RUNX1T1: variants seen among roughly 807,000 people sequenced by gnomAD.
RUNX1T1 encodes the protein RUNX1 partner transcriptional co-repressor 1, also known as protein CBFA2T1.
A neutral mutation model predicts 62.8 loss-of-function variants in RUNX1T1; 4 were observed. The observed-to-expected ratio is 0.06, with a 90% CI of 0.03 to 0.15. The LOEUF is 0.15. Among genes scored for constraint, RUNX1T1 ranks in the 10% least tolerant of loss-of-function variants. The pLI is 1.00. For synonymous variants in RUNX1T1, 291 were observed against 286.0 expected (o/e 1.02, Z -0.18); for missense variants, 508 against 754.3 (o/e 0.67, Z 3.82).
At chr8:92,078,194 G>A (rs1294269083) in intron 1 of RUNX1T1, among the ~76,000 whole-genome samples, 3 of 149,080 alleles carry the variant, frequency 2.0e-5, no homozygotes, top group Non-Finnish European at 3.0e-5. Flanking sequence ...ACAATCAAAA[G>A]GGTAACTAAA....
At position 92,014,825 on chromosome 8, in the gene RUNX1T1, C is replaced by G. The variant is rs769048289; in HGVS notation, c.146-5G>C. Reference sequence around the variant, plus strand: ...AATGGCTCGTGCCATTAGTTACTGTCAAGAGCACAAAATCAGAAGGAAGTC... The same window carrying G: ...AATGGCTCGTGCCATTAGTTACTGTGAAGAGCACAAAATCAGAAGGAAGTC... On this transcript the variant is annotated splice_region_variant and splice_polypyrimidine_tract_variant and intron_variant, in intron 2 of 10. Coordinates refer to ENST00000396218, the Ensembl canonical transcript of RUNX1T1. 1.3e-6 allele frequency: 2 copies of G among 1,592,640 alleles called. No homozygotes were observed. Among genetic ancestry groups the G allele is most frequent in the Admixed American group, 3.5e-5 (2 of 57,224 alleles).
At chr8:92,088,622 G>T (rs1836504402) in intron 1 of RUNX1T1, among the ~76,000 whole-genome samples, 2 of 152,082 alleles carry the variant, frequency 1.3e-5, no homozygotes, top group African/African-American at 4.8e-5. Context: ...TTAGGCTCTG[G>T]TCTCCTCACT....
chr8:92,041,994 T>C (rs75426760), intron 1 of RUNX1T1, among the ~76,000 whole-genome samples: 2 of 151,896 alleles, frequency 1.3e-5, no homozygotes, highest in Non-Finnish European at 1.5e-5. Context: ...AATTTTTTTT[T>C]GTATTTTTAG....
chr8:91,992,163 G>C (rs1334968849), intron 5 of RUNX1T1, among the ~76,000 whole-genome samples: 3 of 152,116 alleles, frequency 2.0e-5, no homozygotes, highest in Non-Finnish European at 2.9e-5. Context: ...TCACAAACAA[G>C]AGGAAACTCA....
intron 2 of RUNX1T1, among the ~76,000 whole-genome samples, chr8:92,015,589 A>G (rs1011326340): frequency 2.0e-5 from 3 of 152,328 alleles, no homozygotes; most frequent in African/African-American, 7.2e-5. Context: ...GTACATTAAT[A>G]AGTACATAAA....
upstream of RUNX1T1, among the ~76,000 whole-genome samples, chr8:92,101,698 C>T (rs1481810070): frequency 6.6e-6 from 1 of 152,106 alleles, no homozygotes; most frequent in East Asian, 1.9e-4. Context: ...TCCTACTTCC[C>T]GGAATCATAG....
intron 8 of RUNX1T1, chr8:91,979,812 A>T (rs1311558040): frequency 5.7e-6 from 3 of 530,460 alleles, no homozygotes; most frequent in Non-Finnish European, 1.1e-5. Flanking sequence ...AGATACTGCA[A>T]GGGCCGCCAT....
At position 91,989,681 on chromosome 8, in the gene RUNX1T1, A is replaced by T. The variant is rs78322493; in HGVS notation, c.910+1958T>A. On this transcript the variant is annotated intron_variant, in intron 6 of 10. Coordinates refer to ENST00000396218, the Ensembl canonical transcript of RUNX1T1. ...AAATGGGATCCCTTGAACTGGTCTCACCGTGACCTGAAGACTCCACTGCTA... is the reference window on the plus strand; with the variant it reads ...AAATGGGATCCCTTGAACTGGTCTCTCCGTGACCTGAAGACTCCACTGCTA... Among the ~76,000 whole-genome samples the T allele has an allele frequency of 7.5e-3, 1,145 of 152,302 alleles. 13 individuals carry two copies. Among genetic ancestry groups the T allele is most frequent in the Middle Eastern group, 0.048 (14 of 292 alleles).
chr8:91,958,428 TC>T (rs1403928691), downstream of RUNX1T1: 1 of 196,224 alleles, frequency 5.1e-6, no homozygotes, highest in East Asian at 7.7e-5. Flanking sequence ...TTGGCTGACT[TC>T]CCTTTTTGTA....
intron 2 of RUNX1T1, among the ~76,000 whole-genome samples, chr8:92,070,427 A>G (rs755301541): frequency 4.6e-5 from 7 of 152,322 alleles, no homozygotes; most frequent in Non-Finnish European, 8.8e-5. Flanking sequence ...AGGCTGATAC[A>G]TAAATAAACA....
intron 3 of RUNX1T1, among the ~76,000 whole-genome samples, chr8:92,012,710 TCA>T (rs1822197294): frequency 1.3e-5 from 2 of 151,040 alleles, no homozygotes; most frequent in African/African-American, 2.4e-5. Flanking sequence ...CTCTATAACC[TCA>T]GTTTGCCCAT....
upstream of RUNX1T1, among the ~76,000 whole-genome samples, chr8:92,064,861 A>G (rs543259416): frequency 7.2e-5 from 11 of 152,322 alleles, no homozygotes; most frequent in East Asian, 7.7e-4. Context: ...GTGATTATGT[A>G]TCTTTTCTAT....
At chr8:91,962,130 C>T (rs1410329608) in intron 10 of RUNX1T1, among the ~76,000 whole-genome samples, 2 of 152,190 alleles carry the variant, frequency 1.3e-5, no homozygotes, top group Non-Finnish European at 2.9e-5. Context: ...TAAATGGGCT[C>T]CCAGAGGCTG....
In RUNX1T1 at chr8:91,988,289, C is replaced by A. The variant is rs559651903; in HGVS notation, c.911-1317G>T. ...AAGCTAAATATAAGATGCTTTGTAC[C>A]ATTCCTGTCCAATTAGAACATATTC... On this transcript the variant is annotated intron_variant, in intron 6 of 10. Coordinates refer to ENST00000396218, the Ensembl canonical transcript of RUNX1T1. 2.0e-4 allele frequency among the ~76,000 whole-genome samples: 31 copies of A among 152,102 alleles called. No homozygotes were observed. In the South Asian group the frequency reaches 6.2e-3, roughly 31 times the overall value.
At chr8:92,092,001 T>G (rs1195337906) in intron 1 of RUNX1T1, among the ~76,000 whole-genome samples, 3 of 152,198 alleles carry the variant, frequency 2.0e-5, no homozygotes, top group Admixed American at 2.0e-4. Flanking sequence ...GCAATTCACA[T>G]GTGAAGCCAC....
At chr8:91,967,474 TCTC>T (rs1003258709) in intron 10 of RUNX1T1, among the ~76,000 whole-genome samples, 2 of 151,546 alleles carry the variant, frequency 1.3e-5, no homozygotes, top group East Asian at 2.0e-4. Flanking sequence ...TCTCAACTCC[TCTC>T]CTCCTTCTGA....
rs181980354 is a variant in RUNX1T1, at chr8:92,037,783, G to C, written c.8-20420C>G. 5.6e-3 allele frequency among the ~76,000 whole-genome samples: 852 copies of C among 152,316 alleles called. 10 individuals are homozygous for C. Among genetic ancestry groups the C allele is most frequent in the African/African-American group, 0.019 (786 of 41,574 alleles). ...GCTTTCAGGAACCAAGGAAAGACCAGTAGGGAAGACCCAAGAGTACCACAA... is the reference window on the plus strand; with the variant it reads ...GCTTTCAGGAACCAAGGAAAGACCACTAGGGAAGACCCAAGAGTACCACAA... On this transcript the variant is annotated intron_variant, in intron 1 of 10. Coordinates refer to ENST00000396218, the Ensembl canonical transcript of RUNX1T1.
chr8:92,000,750 A>C, intron 5 of RUNX1T1, among the ~76,000 whole-genome samples: 1 of 152,234 alleles, frequency 6.6e-6, no homozygotes, highest in East Asian at 1.9e-4. Context: ...CCAGGAACAC[A>C]GGCTAGCTGT....
intron 1 of RUNX1T1, among the ~76,000 whole-genome samples, chr8:92,030,790 T>C (rs1826073475): frequency 6.6e-6 from 1 of 152,216 alleles, no homozygotes; most frequent in Admixed American, 6.5e-5. Flanking sequence ...TGGAATTCTC[T>C]TGGACCCTGG....
Sources: allele counts gnomAD v4.1 joint callset (sites outside exome capture counted in the v4.1 genomes callset), GRCh38; gene constraint gnomAD v4.1.1; transcripts MANE v1.5; gene names NCBI Gene and HGNC (gene_info 2026-07-23, HGNC 2026-07-21).